The following PLXNA4 variants were observed in gnomAD, a reference collection of about 807,000 sequenced individuals.
PLXNA4 encodes plexin A4, also known as plexin-A4.
Under a neutral mutation model 191.8 loss-of-function variants are expected in PLXNA4, and 44 were observed. The ratio of observed to expected loss-of-function variants is 0.23; its 90% CI spans 0.18 to 0.29. The LOEUF (loss-of-function observed/expected upper bound fraction) is 0.29. Among genes scored for constraint, PLXNA4 ranks in the 10% least tolerant of loss-of-function variants. The pLI, the probability that PLXNA4 is intolerant of heterozygous loss-of-function variation, is 1.00. For missense variants in PLXNA4, 1,800 were observed against 2,488.8 expected (o/e 0.72, Z 5.89); for synonymous variants, 1,082 against 1,009.5 (o/e 1.07, Z -1.36).
In PLXNA4 at chr7:132,123,525, T is replaced by G. The variant is rs1776987624; in HGVS notation, c.*6954A>C. On this transcript the variant is annotated 3_prime_UTR_variant, in exon 32 of 32. Transcript: ENST00000321063. The stretch of plus-strand genomic sequence containing the variant: ...CCAATTTAAATAGCACAGGTTTCCT[T>G]TTTAAAAACTTTTTAATTTTTTTTT... 1 of 151,652 alleles carries G rather than the reference T, an allele frequency of 6.6e-6. No individual in the cohort carries two copies. Among genetic ancestry groups the G allele is most frequent in the Non-Finnish European group, 1.5e-5 (1 of 68,026 alleles). The allele number at this position is 151,652 out of a possible 1,614,324, so 9.4% of individuals were successfully genotyped here.
At chr7:132,399,951 C>A (rs1190939897) in intron 3 of PLXNA4, among the ~76,000 whole-genome samples, 2 of 152,026 alleles carry the variant, frequency 1.3e-5, no homozygotes, top group Non-Finnish European at 2.9e-5. Flanking sequence ...CTTTCATGGG[C>A]ATGAAAGGGG....
At chr7:132,274,386 C>G (rs966992979) in intron 4 of PLXNA4, among the ~76,000 whole-genome samples, 1 of 152,118 alleles carries the variant, frequency 6.6e-6, no homozygotes, top group Admixed American at 6.6e-5. Flanking sequence ...CTTCCCCCAG[C>G]TTTTCCTAAT....
At chr7:132,395,746 C>A (rs907191971) in intron 3 of PLXNA4, among the ~76,000 whole-genome samples, 9 of 152,194 alleles carry the variant, frequency 5.9e-5, no homozygotes, top group African/African-American at 1.9e-4. Flanking sequence ...AGCAAGAAGT[C>A]CAGATGCAAG....
chr7:132,643,417 C>T (rs906851639), intron 2 of PLXNA4, among the ~76,000 whole-genome samples: 28 of 151,998 alleles, frequency 1.8e-4, no homozygotes, highest in African/African-American at 6.3e-4. Flanking sequence ...CTTGACCCCC[C>T]AGCCCCCACC....
intron 3 of PLXNA4, among the ~76,000 whole-genome samples, chr7:132,374,269 C>T (rs1235597293): frequency 6.6e-6 from 1 of 152,156 alleles, no homozygotes; most frequent in Non-Finnish European, 1.5e-5. Flanking sequence ...CTTAAGGTTC[C>T]CATTAGCACT....
intron 3 of PLXNA4, among the ~76,000 whole-genome samples, chr7:132,378,848 T>TC (rs962313054): frequency 6.8e-5 from 4 of 58,606 alleles, no homozygotes; most frequent in Non-Finnish European, 1.1e-4. Context: ...GCACTGGATC[T>TC]TTTTTTTTTT....
intron 2 of PLXNA4, among the ~76,000 whole-genome samples, chr7:132,608,859 A>T (rs1802992351): frequency 6.6e-6 from 1 of 151,742 alleles, no homozygotes; most frequent in African/African-American, 2.4e-5. Flanking sequence ...CCACATTCAA[A>T]CTCAGAAAAG....
rs184573814 is a variant in PLXNA4, at chr7:132,500,437, C to T, written c.1188+7069G>A. ...CACCCTGGGCAACAAGAGTGAAACA[C>T]TGTCTCAAAAGAAGAAGGAGAAGGA... On this transcript the variant is annotated intron_variant, in intron 2 of 31. Transcript: ENST00000321063. Among the ~76,000 whole-genome samples, 7 of 150,560 alleles carry T rather than the reference C, an allele frequency of 4.6e-5. 1 individual carries two copies. The highest frequency in any genetic ancestry group is 1.7e-4 in the African/African-American group (7 of 40,722).
At chr7:132,528,783 T>C (rs1395027384) in intron 1 of PLXNA4, among the ~76,000 whole-genome samples, 1 of 152,208 alleles carries the variant, frequency 6.6e-6, no homozygotes, top group African/African-American at 2.4e-5. Context: ...AGTAGGATGA[T>C]GCAGGGGAGC....
chr7:132,219,749 T>C (rs556738860), intron 9 of PLXNA4, among the ~76,000 whole-genome samples: 96 of 152,282 alleles, frequency 6.3e-4, no homozygotes, highest in Non-Finnish European at 1.2e-3. Context: ...TGACAAACTA[T>C]ATATATAGAG....
chr7:132,175,340 G>A (rs906970119), intron 20 of PLXNA4, among the ~76,000 whole-genome samples: 4 of 152,100 alleles, frequency 2.6e-5, no homozygotes, highest in African/African-American at 9.7e-5. Flanking sequence ...TCCTGATGCT[G>A]TGTTTTAGAA....
intron 30 of PLXNA4, 149 bp downstream of exon 30, chr7:132,140,450 G>C: frequency 8.4e-7 from 1 of 1,195,124 alleles, no homozygotes; most frequent in South Asian, 1.6e-5. Flanking sequence ...CTGGGACTTG[G>C]GGGTGTGGGT....
intron 2 of PLXNA4, among the ~76,000 whole-genome samples, chr7:132,615,520 C>T (rs1164352416): frequency 1.3e-5 from 2 of 152,126 alleles, no homozygotes; most frequent in South Asian, 4.1e-4. Context: ...GGGCTCTGGA[C>T]GCAACGAAGA....
intron 2 of PLXNA4, among the ~76,000 whole-genome samples, chr7:132,636,686 C>T (rs1323458659): frequency 6.6e-6 from 1 of 152,140 alleles, no homozygotes; most frequent in Non-Finnish European, 1.5e-5. Context: ...TCATATGATG[C>T]CACCCCACAT....
At chr7:132,323,133 C>T (rs1003664492) in intron 3 of PLXNA4, among the ~76,000 whole-genome samples, 7 of 152,180 alleles carry the variant, frequency 4.6e-5, no homozygotes, top group South Asian at 2.1e-4. Context: ...ACTGTGATCC[C>T]CACGAGTTCA....
intron 4 of PLXNA4, among the ~76,000 whole-genome samples, chr7:132,289,871 TGTTGC>T (rs781660561): frequency 6.6e-6 from 1 of 152,018 alleles, no homozygotes; most frequent in Non-Finnish European, 1.5e-5. Context: ...GGTCTCTCTA[TGTTGC>T]CCAGGTTGAT....
At chr7:132,590,254 C>A (rs546390653) in intron 2 of PLXNA4, among the ~76,000 whole-genome samples, 1 of 151,986 alleles carries the variant, frequency 6.6e-6, no homozygotes, top group South Asian at 2.1e-4. Flanking sequence ...AGGAAGGTGC[C>A]GATTAGAAAT....
At chr7:132,559,767 C>A (rs1470747020) in intron 1 of PLXNA4, among the ~76,000 whole-genome samples, 2 of 152,240 alleles carry the variant, frequency 1.3e-5, no homozygotes, top group African/African-American at 2.4e-5. Context: ...AGCTCTCCTG[C>A]AGAATGCAAA....
At chr7:132,471,711 C>T (rs190295799) in intron 3 of PLXNA4, among the ~76,000 whole-genome samples, 41 of 152,270 alleles carry the variant, frequency 2.7e-4, no homozygotes, top group Non-Finnish European at 2.4e-4. Context: ...ACCACAGATG[C>T]CTTGGAGTGG....
Sources: gnomAD v4.1 joint callset for allele counts (sites outside exome capture counted in the v4.1 genomes callset) on GRCh38, gnomAD v4.1.1 for gene constraint, MANE v1.5 for transcripts, NCBI Gene and HGNC (gene_info 2026-07-23, HGNC 2026-07-21) for gene names.